The following THSD4 variants were observed in gnomAD, a reference collection of about 807,000 sequenced individuals.
The protein encoded by THSD4 is thrombospondin type-1 domain-containing protein 4.
A neutral mutation model predicts 119.0 loss-of-function variants in THSD4; 69 were observed. That is an observed-to-expected ratio of 0.58 (90% CI 0.48 to 0.71). THSD4 has a LOEUF of 0.71. THSD4 is among the 30% of genes least tolerant of loss of function. THSD4 has a pLI of 0.00. For missense variants in THSD4, 1,393 were observed against 1,391.1 expected, an observed-to-expected ratio of 1.00 and a Z score of -0.02; for synonymous variants, 524 against 540.4, an observed-to-expected ratio of 0.97 and a Z score of 0.42.
intron 6 of THSD4, among the ~76,000 whole-genome samples, chr15:71,408,919 A>G (rs1200750332): frequency 6.6e-6 from 1 of 152,148 alleles, no homozygotes; most frequent in Non-Finnish European, 1.5e-5. Flanking sequence ...TCATTACATA[A>G]TTTTATGAGA....
intron 7 of THSD4, among the ~76,000 whole-genome samples, chr15:71,459,338 G>GTCTCTCTGTCTCTCTC (rs2047387939): frequency 7.6e-6 from 1 of 131,472 alleles, no homozygotes; most frequent in Non-Finnish European, 1.6e-5. Flanking sequence ...CTCTCTCTCT[G>GTCTCTCTGTCTCTCTC]TCTCTCTGTC....
intron 7 of THSD4, among the ~76,000 whole-genome samples, chr15:71,657,321 C>T (rs1010108037): frequency 6.6e-6 from 1 of 152,004 alleles, no homozygotes; most frequent in Non-Finnish European, 1.5e-5. Context: ...TCATGTCATT[C>T]AGATCCTAGT....
At chr15:71,109,895 C>T (rs762876323) in intron 1 of THSD4, among the ~76,000 whole-genome samples, 1 of 152,122 alleles carries the variant, frequency 6.6e-6, no homozygotes, top group Non-Finnish European at 1.5e-5. Flanking sequence ...GTGACTTTGT[C>T]GTTTGTAGTG....
At chr15:71,694,686 A>G (rs1368564769) in intron 8 of THSD4, among the ~76,000 whole-genome samples, 2 of 152,198 alleles carry the variant, frequency 1.3e-5, no homozygotes. Flanking sequence ...TCCCAAGAAA[A>G]AGTACAGATA....
Position 71,782,255 on chromosome 15 carries a change from G to GC in THSD4, c.*4881_*4882insC, listed in dbSNP as rs951618314. 1 of 150,030 alleles carries GC rather than the reference G, an allele frequency of 6.7e-6. No individual in the cohort carries two copies. The highest frequency in any genetic ancestry group is 1.5e-5 in the Non-Finnish European group (1 of 67,966). The allele number at this position is 150,030 out of a possible 1,614,324, so 9.3% of individuals were successfully genotyped here. ...CATTTCAGCAGATAATGATGGAGGG[G>GC]GGGGGTGTCCATCGTGCTGAGGGTG... On this transcript the variant is annotated 3_prime_UTR_variant, in exon 18 of 18. Coordinates refer to ENST00000261862, the MANE Select transcript of THSD4 (RefSeq NM_024817.3).
intron 4 of THSD4, among the ~76,000 whole-genome samples, chr15:71,235,721 T>C (rs1400172353): frequency 6.6e-6 from 1 of 151,954 alleles, no homozygotes. Context: ...CCCGAGTAGC[T>C]GGGACCACAG....
intron 6 of THSD4, among the ~76,000 whole-genome samples, chr15:71,297,877 C>A (rs1052621955): frequency 2.0e-5 from 3 of 152,152 alleles, no homozygotes; most frequent in African/African-American, 7.2e-5. Context: ...ATATAATTTG[C>A]AAACATTTTC....
intron 16 of THSD4, among the ~76,000 whole-genome samples, chr15:71,766,145 A>C (rs1212335635): frequency 6.6e-6 from 1 of 152,172 alleles, no homozygotes; most frequent in African/African-American, 2.4e-5. Context: ...ATACAGAAAT[A>C]AGTTATTAAG....
At chr15:71,665,569 G>A (rs940034565) in intron 8 of THSD4, among the ~76,000 whole-genome samples, 2 of 152,082 alleles carry the variant, frequency 1.3e-5, no homozygotes, top group Non-Finnish European at 2.9e-5. Context: ...TGAAATCCTT[G>A]CTAGTTCCTG....
At chr15:71,249,919 G>T (rs1487731433) in intron 5 of THSD4, among the ~76,000 whole-genome samples, 2 of 152,092 alleles carry the variant, frequency 1.3e-5, no homozygotes, top group Non-Finnish European at 2.9e-5. Context: ...ATCTACACTA[G>T]CCACATTTTT....
intron 6 of THSD4, among the ~76,000 whole-genome samples, chr15:71,351,020 C>T (rs1039446907): frequency 6.6e-6 from 1 of 152,104 alleles, no homozygotes; most frequent in African/African-American, 2.4e-5. Flanking sequence ...AGCTTTGTAC[C>T]GGTTGGGGTA....
intron 6 of THSD4, among the ~76,000 whole-genome samples, chr15:71,405,174 C>A (rs1384005807): frequency 6.6e-6 from 1 of 152,222 alleles, no homozygotes; most frequent in East Asian, 1.9e-4. Flanking sequence ...CAGGCGTGAG[C>A]CACCATGCCC....
chr15:71,560,029 A>T (rs2049088568), intron 7 of THSD4, among the ~76,000 whole-genome samples: 1 of 152,176 alleles, frequency 6.6e-6, no homozygotes, highest in Non-Finnish European at 1.5e-5. Flanking sequence ...TATACTTTTG[A>T]CATGCATACT....
intron 7 of THSD4, among the ~76,000 whole-genome samples, chr15:71,465,319 G>T: frequency 6.6e-6 from 1 of 152,154 alleles, no homozygotes; most frequent in East Asian, 1.9e-4. Flanking sequence ...CAGCAGTTCA[G>T]GCTCCTACTG....
chr15:71,554,153 G>C (rs1253964951), intron 7 of THSD4, among the ~76,000 whole-genome samples: 1 of 145,122 alleles, frequency 6.9e-6, no homozygotes, highest in African/African-American at 2.6e-5. Context: ...GCAGTGGCAC[G>C]ATCTCAGCTC....
intron 6 of THSD4, among the ~76,000 whole-genome samples, chr15:71,383,905 C>G (rs1374498591): frequency 1.3e-5 from 2 of 152,112 alleles, no homozygotes; most frequent in African/African-American, 4.8e-5. Context: ...ACATAGGAGA[C>G]TTGATCATCT....
intron 6 of THSD4, among the ~76,000 whole-genome samples, chr15:71,408,137 CT>C (rs1181539562): frequency 6.6e-6 from 1 of 151,134 alleles, no homozygotes; most frequent in Admixed American, 6.6e-5. Context: ...GAAGAGTCTC[CT>C]GGCATCAGAA....
intron 6 of THSD4, among the ~76,000 whole-genome samples, chr15:71,367,919 A>G (rs1345276561): frequency 6.6e-6 from 1 of 152,116 alleles, no homozygotes. Flanking sequence ...AAGTGTTTCT[A>G]TTTCTCCACA....
intron 7 of THSD4, among the ~76,000 whole-genome samples, chr15:71,602,777 T>C (rs540765584): frequency 9.2e-5 from 14 of 152,032 alleles, no homozygotes; most frequent in African/African-American, 2.7e-4. Context: ...TTTTTTGGGG[T>C]GATGAGGTAT....
Sources: allele counts gnomAD v4.1 joint callset (sites outside exome capture counted in the v4.1 genomes callset), GRCh38; gene constraint gnomAD v4.1.1; transcripts MANE v1.5; gene names NCBI Gene and HGNC (gene_info 2026-07-23, HGNC 2026-07-21).